SERGEF: variants seen among roughly 807,000 people sequenced by gnomAD.
The protein encoded by SERGEF is secretion-regulating guanine nucleotide exchange factor.
A neutral mutation model predicts 50.0 loss-of-function variants in SERGEF; 51 were observed. The ratio of observed to expected loss-of-function variants is 1.02; its 90% CI spans 0.81 to 1.29. The LOEUF is 1.29. Among genes scored for constraint, SERGEF ranks in the 50% most tolerant of loss-of-function variants. SERGEF has a pLI of 0.00. For synonymous variants in SERGEF, 205 were observed against 212.4 expected, an observed-to-expected ratio of 0.97 and a Z score of 0.30; for missense variants, 521 against 557.0, an observed-to-expected ratio of 0.94 and a Z score of 0.65.
rs772613778 is a variant in SERGEF, at chr11:17,992,989, T to C, written c.627A>G (p.Leu209=). The part of the protein sequence containing the change: ...TAKEPSRVTG[L]ENSKAMCVLA... ...GAACACACATTGCTTTAGAATTCTC[T>C]AGACCTACAAAAGAAAAAATGTTCT... Residue 209 remains leucine (L), a synonymous_variant, in exon 7 of 11, where the codon CTA becomes CTG. Transcript: ENST00000265965. 5.6e-6 allele frequency: 9 copies of C among 1,613,552 alleles called. No individual in the cohort carries two copies. Among genetic ancestry groups the C allele is most frequent in the South Asian group, 4.4e-5 (4 of 91,058 alleles).
chr11:17,850,531 C>T (rs1565184910), intron 10 of SERGEF, among the ~76,000 whole-genome samples: 1 of 152,266 alleles, frequency 6.6e-6, no homozygotes, highest in East Asian at 1.9e-4. Flanking sequence ...GGACATCCTG[C>T]CAAGATCCTC....
intron 7 of SERGEF, among the ~76,000 whole-genome samples, chr11:17,989,828 A>C (rs2133997421): frequency 6.6e-6 from 1 of 152,382 alleles, no homozygotes; most frequent in Admixed American, 6.5e-5. Flanking sequence ...TGCAAAAAAG[A>C]GTGTGGCTCC....
chr11:17,966,866 C>T (rs1261102325), intron 8 of SERGEF, among the ~76,000 whole-genome samples: 1 of 152,148 alleles, frequency 6.6e-6, no homozygotes, highest in Non-Finnish European at 1.5e-5. Flanking sequence ...TTATTGAGAG[C>T]TGACTCTGTA....
At chr11:17,876,306 G>A (rs1201112200) in intron 10 of SERGEF, among the ~76,000 whole-genome samples, 2 of 152,196 alleles carry the variant, frequency 1.3e-5, no homozygotes, top group Non-Finnish European at 2.9e-5. Flanking sequence ...TCGCCAGCAT[G>A]CCCTATTCTC....
intron 10 of SERGEF, among the ~76,000 whole-genome samples, chr11:17,789,998 C>T (rs1565167676): frequency 6.6e-6 from 1 of 151,982 alleles, no homozygotes; most frequent in African/African-American, 2.4e-5. Context: ...AACAAACAAA[C>T]AAAAAAGTAA....
At chr11:17,791,133 T>C (rs944988974) in intron 10 of SERGEF, among the ~76,000 whole-genome samples, 1 of 152,250 alleles carries the variant, frequency 6.6e-6, no homozygotes, top group African/African-American at 2.4e-5. Context: ...TTACCTATTA[T>C]GAAGATTAAA....
intron 9 of SERGEF, among the ~76,000 whole-genome samples, chr11:17,880,849 T>C (rs1179805917): frequency 6.6e-6 from 1 of 152,238 alleles, no homozygotes; most frequent in African/African-American, 2.4e-5. Context: ...TTTTTTCTAC[T>C]ATTCTCTATT....
At chr11:17,963,364 TAAAA>T (rs1174880141) in intron 8 of SERGEF, among the ~76,000 whole-genome samples, 17 of 49,888 alleles carry the variant, frequency 3.4e-4, no homozygotes, top group East Asian at 1.4e-3. Context: ...TTACTATTAG[TAAAA>T]AAAAAAAAAA....
intron 9 of SERGEF, among the ~76,000 whole-genome samples, chr11:17,935,718 T>A (rs893086910): frequency 3.3e-5 from 5 of 152,114 alleles, no homozygotes; most frequent in African/African-American, 1.2e-4. Flanking sequence ...TAAATATTTA[T>A]CAAATGCTAC....
At chr11:17,848,661 T>C (rs558786313) in intron 10 of SERGEF, among the ~76,000 whole-genome samples, 10 of 152,322 alleles carry the variant, frequency 6.6e-5, no homozygotes, top group South Asian at 2.1e-4. Flanking sequence ...CTTTTATCCA[T>C]TACCAAATGT....
At chr11:17,857,145 G>GCT (rs1850835622) in intron 10 of SERGEF, among the ~76,000 whole-genome samples, 1 of 152,168 alleles carries the variant, frequency 6.6e-6, no homozygotes, top group Admixed American at 6.5e-5. Context: ...GACCTTTGGA[G>GCT]CTCACCTCTA....
intron 9 of SERGEF, among the ~76,000 whole-genome samples, chr11:17,889,893 G>A (rs761083052): frequency 6.6e-6 from 1 of 151,934 alleles, no homozygotes; most frequent in African/African-American, 2.4e-5. Context: ...TGGTTATTTT[G>A]GGATAGGTAT....
intron 9 of SERGEF, among the ~76,000 whole-genome samples, chr11:17,886,001 T>C (rs1197024719): frequency 6.6e-6 from 1 of 152,138 alleles, no homozygotes; most frequent in Non-Finnish European, 1.5e-5. Context: ...GGCATGTCAG[T>C]GTGAGGTAAT....
chr11:17,878,000 TA>T, intron 10 of SERGEF: 1 of 498,034 alleles, frequency 2.0e-6, no homozygotes. Context: ...TCAGGTACCT[TA>T]AAAAGATGCT....
chr11:17,866,605 A>T (rs919385438), intron 10 of SERGEF, among the ~76,000 whole-genome samples: 5 of 152,160 alleles, frequency 3.3e-5, no homozygotes, highest in Non-Finnish European at 7.4e-5. Context: ...CCCTGGTTCA[A>T]ACAATTCTTG....
intron 9 of SERGEF, among the ~76,000 whole-genome samples, chr11:17,902,311 T>C (rs990255053): frequency 6.6e-6 from 1 of 152,110 alleles, no homozygotes; most frequent in Non-Finnish European, 1.5e-5. Flanking sequence ...CTCTGCATGA[T>C]GTATGAAAGG....
At chr11:17,973,394 A>G (rs916622449) in intron 8 of SERGEF, among the ~76,000 whole-genome samples, 1 of 152,188 alleles carries the variant, frequency 6.6e-6, no homozygotes, top group Non-Finnish European at 1.5e-5. Context: ...AAACCCCAAG[A>G]CATCCCACAA....
intron 10 of SERGEF, among the ~76,000 whole-genome samples, chr11:17,865,007 A>G (rs776886841): frequency 1.2e-4 from 19 of 152,226 alleles, no homozygotes; most frequent in Non-Finnish European, 2.2e-4. Context: ...TAAATTCCAT[A>G]TGGATCGAAG....
In SERGEF at chr11:17,991,916, A is replaced by C. The variant is rs971677472; in HGVS notation, c.685+1015T>G. Among the ~76,000 whole-genome samples, 3 of 152,196 alleles carry C rather than the reference A, an allele frequency of 2.0e-5. No homozygotes were observed. Among genetic ancestry groups the C allele is most frequent in the African/African-American group, 7.2e-5 (3 of 41,426 alleles). The stretch of plus-strand genomic sequence containing the variant: ...CTCCTCTTTGCTTAAAAAATAGAAT[A>C]CATTCAACTCTGTGAGAGGTCTTAC... On this transcript the variant is annotated intron_variant, in intron 7 of 10. Coordinates refer to ENST00000265965, the MANE Select transcript of SERGEF (RefSeq NM_012139.4). This position sits in a 1 kb window ranked among gnomAD's most constrained non-coding sequence, Gnocchi z 4.9.
Sources: gnomAD v4.1 joint callset for allele counts (sites outside exome capture counted in the v4.1 genomes callset) on GRCh38, gnomAD v4.1.1 for gene constraint, Gnocchi (gnomAD v3.1) non-coding constraint, MANE v1.5 for transcripts, NCBI Gene and HGNC (gene_info 2026-07-23, HGNC 2026-07-21) for gene names.